DOP1A: variants seen among roughly 807,000 people sequenced by gnomAD.
The protein encoded by DOP1A is protein DOP1A.
In DOP1A, 90 loss-of-function variants were observed where a neutral mutation model predicts 267.6. The observed-to-expected ratio is 0.34, with a 90% confidence interval of 0.28 to 0.40. DOP1A has a LOEUF of 0.40. DOP1A is among the 10% of genes least tolerant of loss of function. DOP1A has a pLI of 1.00. For synonymous variants in DOP1A, 932 were observed against 999.1 expected (o/e 0.93, Z 1.27); for missense variants, 2,437 against 2,900.4 (o/e 0.84, Z 3.67).
rs144128097 is a variant in DOP1A at position 83,149,264 on chromosome 6, T to G, written c.5837+401T>G. 6.2e-3 allele frequency among the ~76,000 whole-genome samples: 940 copies of G among 152,198 alleles called. 11 individuals are homozygous for G. The highest frequency in any genetic ancestry group is 0.022 in the African/African-American group (893 of 41,520). ...AAATTTTTCTCTTTGTGTCTTGAAG[T>G]TTTCTGATTTATCTTAGTGATTTAT... On this transcript the variant is annotated intron_variant, in intron 27 of 38. Coordinates refer to ENST00000349129, the MANE Select transcript of DOP1A (RefSeq NM_015018.4).
At position 83,167,047 on chromosome 6, in the gene DOP1A, AG is replaced by A. The variant is rs777771220; in HGVS notation, c.7093-813del. ...GTCTGTAGCTGTGTTTGTGTAATTC[AG>A]GTGGCTTCTCAAACTAGCCTCTTAA... is the stretch of plus-strand genomic sequence containing the variant. On this transcript the variant is annotated intron_variant, in intron 38 of 38. Transcript: ENST00000349129. The A allele has an allele frequency of 5.1e-5, 50 of 985,372 alleles. No individual in the cohort carries two copies. In the East Asian group the frequency reaches 1.6e-3, roughly 31 times the overall value. 61.0% of individuals were successfully genotyped at this position (985,372 alleles called of 1,614,324 possible).
chr6:83,157,309 T>G lies in DOP1A; in HGVS notation c.6732T>G (p.Ile2244Met), dbSNP rs1425318883. ...TTACCTCACTCTGGCCTACCATGAT[T>G]ACAGAACTTGTGAGTTAATTTTAAT... ...QHLTSLWPTM[I>M]TELVQVFLLM... is the part of the protein sequence containing the mutation. The change falls in exon 35 of 39, where the codon ATT (isoleucine) becomes ATG (methionine). Residue 2244 changes from isoleucine (I) to methionine (M), a missense_variant. Ile to Met is a conservative substitution (Grantham distance 10, BLOSUM62 1). Transcript: ENST00000349129. 6.2e-7 allele frequency: 1 copy of G among 1,613,346 alleles called. No homozygotes were observed. The highest frequency in any genetic ancestry group is 1.7e-5 in the Admixed American group (1 of 59,888).
chr6:83,093,510 T>G (rs964894568), intron 1 of DOP1A, among the ~76,000 whole-genome samples: 1 of 152,226 alleles, frequency 6.6e-6, no homozygotes, highest in African/African-American at 2.4e-5. Context: ...TTTGAGAATA[T>G]TATGAAAGAA....
At chr6:83,158,694 T>C in intron 36 of DOP1A, 72 bp downstream of exon 36, 1 of 1,012,984 alleles carries the variant, frequency 9.9e-7, no homozygotes, top group Non-Finnish European at 1.5e-6. Context: ...TTACTCAGCA[T>C]CTAGGAGAAT....
At chr6:83,171,254 A>G (rs530151069), downstream of DOP1A, 25 of 152,212 alleles carry the variant, frequency 1.6e-4, no homozygotes, top group Non-Finnish European at 3.2e-4. Flanking sequence ...GAAGCTGGGT[A>G]CACAAAAGTT....
downstream of DOP1A, chr6:83,170,750 A>AT: frequency 3.6e-6 from 1 of 280,502 alleles, no homozygotes; most frequent in Non-Finnish European, 6.7e-6. Flanking sequence ...ACTAAGTCCC[A>AT]TATCACACAC....
intron 17 of DOP1A, 110 bp downstream of exon 17, chr6:83,130,507 A>T (rs935508365): frequency 2.2e-6 from 3 of 1,333,904 alleles, no homozygotes; most frequent in South Asian, 1.5e-5. Flanking sequence ...CTTCATTTAA[A>T]CACCTCTTAA....
At chr6:83,076,854 G>A (rs977258523) in intron 1 of DOP1A, among the ~76,000 whole-genome samples, 2 of 152,106 alleles carry the variant, frequency 1.3e-5, no homozygotes, top group Non-Finnish European at 2.9e-5. Flanking sequence ...ATAATCAAGA[G>A]GTAGAAACAA....
Position 83,112,590 on chromosome 6 carries a change from G to C in DOP1A, c.682-733G>C, listed in dbSNP as rs143711475. ...GTAAACTCCCTTGCCTCAGCCACCT[G>C]AGTGGCTGGGATTACAGGCATGCAC... On this transcript the variant is annotated intron_variant, in intron 6 of 38. Coordinates refer to ENST00000349129, the MANE Select transcript of DOP1A (RefSeq NM_015018.4). Among the ~76,000 whole-genome samples the C allele has an allele frequency of 1.1e-3, 173 of 152,208 alleles. 1 individual carries two copies. Among genetic ancestry groups the C allele is most frequent in the African/African-American group, 4.0e-3 (167 of 41,544 alleles).
Position 83,137,551 on chromosome 6 carries a change from C to A in DOP1A, c.3509C>A (p.Ser1170Ter). 3.1e-6 allele frequency: 5 copies of A among 1,613,800 alleles called. No individual in the cohort carries two copies. The highest frequency in any genetic ancestry group is 3.4e-6 in the Non-Finnish European group (4 of 1,179,820). The change falls in exon 21 of 39, where the codon TCA becomes TAA. Residue 1170 changes from serine (S) to a stop codon, truncating the protein, a stop_gained. Coordinates refer to ENST00000349129, the MANE Select transcript of DOP1A (RefSeq NM_015018.4). LOFTEE classifies it high-confidence loss of function. ...AGTGGCCTCGAAGTGGAATCTGCAT[C>A]AGTTACATCTCAATTAGAAATTGAA... ...VVSGLEVESA[S>*]VTSQLEIEAM...
chr6:83,155,822 G>C, intron 33 of DOP1A, 129 bp from the exon 34 acceptor site: 1 of 1,057,268 alleles, frequency 9.5e-7, no homozygotes, highest in Non-Finnish European at 1.3e-6. Flanking sequence ...CCCAGAGAGG[G>C]GCATCAAGTT....
intron 1 of DOP1A, among the ~76,000 whole-genome samples, chr6:83,068,082 G>T (rs1307913074): frequency 6.6e-6 from 1 of 152,228 alleles, no homozygotes; most frequent in East Asian, 1.9e-4. Flanking sequence ...GGGAGCCGGG[G>T]ACAGGTCCCG....
At chr6:83,081,884 T>C (rs893316565) in intron 1 of DOP1A, among the ~76,000 whole-genome samples, 1 of 152,148 alleles carries the variant, frequency 6.6e-6, no homozygotes, top group Non-Finnish European at 1.5e-5. Flanking sequence ...TGAGTAGACA[T>C]TTCCTAAAGG....
At chr6:83,128,782 G>T in intron 15 of DOP1A, 105 bp from the exon 16 acceptor site, 1 of 1,333,408 alleles carries the variant, frequency 7.5e-7, no homozygotes, top group Non-Finnish European at 1.0e-6. Context: ...AGAATGGGCA[G>T]ATTAAGTTGT....
downstream of DOP1A, chr6:83,171,322 A>G (rs1373174913): frequency 6.6e-6 from 1 of 152,072 alleles, no homozygotes; most frequent in Non-Finnish European, 1.5e-5. Flanking sequence ...TCTATTTTTA[A>G]TTTTCCATAA....
chr6:83,148,686 T>C (rs1781009086), intron 26 of DOP1A, 73 bp from the exon 27 acceptor site: 4 of 1,015,034 alleles, frequency 3.9e-6, no homozygotes, highest in Non-Finnish European at 2.8e-6. Context: ...TATAAAAATT[T>C]AGAGAATGTT....
chr6:83,166,237 TCAACATTGAGTTCTTGGG>T (rs1785518262), intron 38 of DOP1A: 7 of 515,116 alleles, frequency 1.4e-5, no homozygotes, highest in Admixed American at 3.5e-5. Context: ...CATAAAATGG[TCAACATTGAGTTCTTGGG>T]CAGCTCTCTT....
At chr6:83,131,253 T>TA (rs150265990) in intron 17 of DOP1A, among the ~76,000 whole-genome samples, 34,543 of 151,732 alleles carry the variant, frequency 0.23, 4,022 homozygotes, top group Non-Finnish European at 0.24. Context: ...GACTGTACAT[T>TA]AAAAAAAAGT....
At position 83,142,075 on chromosome 6, in the gene DOP1A, G is replaced by T. The variant is rs1005187856; in HGVS notation, c.5541+29G>T. 3 of 1,605,976 alleles carry T rather than the reference G, an allele frequency of 1.9e-6. No homozygotes were observed. The African/African-American group carries it at 4.0e-5, about 22-fold the overall frequency. On this transcript the variant is annotated intron_variant, in intron 24 of 38. Coordinates refer to ENST00000349129, the MANE Select transcript of DOP1A (RefSeq NM_015018.4). ...TGTATTTAGACATTTGGCACTTTTTGTTTTTGCATTTGGTGAGTACATGCT... is the reference window on the plus strand; with the variant it reads ...TGTATTTAGACATTTGGCACTTTTTTTTTTTGCATTTGGTGAGTACATGCT...
Sources: gnomAD v4.1 joint callset for allele counts (sites outside exome capture counted in the v4.1 genomes callset) on GRCh38, gnomAD v4.1.1 for gene constraint, MANE v1.5 for transcripts, NCBI Gene and HGNC (gene_info 2026-07-23, HGNC 2026-07-21) for gene names.